NCR1: variants seen among roughly 807,000 people sequenced by gnomAD.
NCR1 encodes the protein natural cytotoxicity triggering receptor 1.
Under a neutral mutation model 32.5 loss-of-function variants are expected in NCR1, and 30 were observed. That is an observed-to-expected ratio of 0.92 (90% CI 0.69 to 1.25). The LOEUF (loss-of-function observed/expected upper bound fraction) is 1.25. NCR1 is among the 50% of genes most tolerant of loss of function. The probability of loss-of-function intolerance (pLI) is 0.00; values close to 1 mark genes in which losing one functional copy is unlikely to be tolerated. For synonymous variants in NCR1, 169 were observed against 143.4 expected (o/e 1.18, Z -1.28); for missense variants, 369 against 380.7 (o/e 0.97, Z 0.26).
At chr19:54,911,822 T>C (rs2067990489) in intron 5 of NCR1, among the ~76,000 whole-genome samples, 1 of 151,836 alleles carries the variant, frequency 6.6e-6, no homozygotes, top group Non-Finnish European at 1.5e-5. Context: ...CAAAACCCCG[T>C]TTCTACTAAA....
chr19:54,914,164 CT>C (rs533441878), downstream of NCR1, among the ~76,000 whole-genome samples: 209 of 124,030 alleles, frequency 1.7e-3, no homozygotes, highest in East Asian at 8.1e-3. Flanking sequence ...TCTTCTCTTC[CT>C]TTTTTTTTTT....
the NCR1 span, among the ~76,000 whole-genome samples, chr19:54,927,076 A>G: frequency 4.1e-5 from 6 of 147,806 alleles, no homozygotes; most frequent in African/African-American, 1.5e-4. Flanking sequence ...GGCAACAGTG[A>G]GACTCCATCC....
chr19:54,934,675 G>GA, the NCR1 span: 1 of 1,608,414 alleles, frequency 6.2e-7, no homozygotes. This position sits in a 1 kb window ranked among gnomAD's most constrained non-coding sequence, Gnocchi z 6.7. Flanking sequence ...AAAAGAGTGG[G>GA]AAAAGTCATT....
At chr19:54,923,663 T>G in the NCR1 span, 126 of 1,507,532 alleles carry the variant, frequency 8.4e-5, 2 homozygotes, top group African/African-American at 1.6e-3. Context: ...CATGTGACCC[T>G]CTGACCTGCA....
chr19:54,935,701 A>G, the NCR1 span, among the ~76,000 whole-genome samples: 1 of 152,036 alleles, frequency 6.6e-6, no homozygotes, highest in Non-Finnish European at 1.5e-5. Context: ...AAAGAAAAAA[A>G]AAAAAAAAAA....
At chr19:54,932,288 C>T in the NCR1 span, among the ~76,000 whole-genome samples, 5 of 151,890 alleles carry the variant, frequency 3.3e-5, no homozygotes, top group East Asian at 9.7e-4. Flanking sequence ...ATTAGCCAGG[C>T]ATGGTGGAGG....
chr19:54,912,834 G>A lies in NCR1; in HGVS notation c.878G>A (p.Trp293Ter), dbSNP rs770374506. Residue 293 changes from tryptophan to a stop codon, truncating the protein, a stop_gained, in exon 7 of 7, where the codon TGG (tryptophan) becomes TAG (stop). Coordinates refer to ENST00000291890, the MANE Select transcript of NCR1 (RefSeq NM_004829.7). LOFTEE classifies it high-confidence loss of function. ...TRERASRAST[W>*]EGRRRLNTQT... ...GAGCGAGCCAGCAGAGCTTCCACTTGGGAAGGCAGGAGAAGGCTGAACACA... is the reference window on the plus strand; with the variant it reads ...GAGCGAGCCAGCAGAGCTTCCACTTAGGAAGGCAGGAGAAGGCTGAACACA... 1.2e-6 allele frequency: 2 copies of A among 1,613,384 alleles called. No homozygotes were observed. The highest frequency in any genetic ancestry group is 2.7e-5 in the African/African-American group (2 of 74,954).
At chr19:54,919,471 G>A (rs139093769), downstream of NCR1, among the ~76,000 whole-genome samples, 18,690 of 129,088 alleles carry the variant, frequency 0.14, 429 homozygotes, top group African/African-American at 0.16. Flanking sequence ...GACAGCTTAC[G>A]CCATTATTTC....
downstream of NCR1, among the ~76,000 whole-genome samples, chr19:54,920,608 C>A (rs1240307102): frequency 1.3e-5 from 2 of 152,204 alleles, no homozygotes; most frequent in Non-Finnish European, 2.9e-5. Context: ...AAGGGGATAA[C>A]TGGAGGCCAG....
chr19:54,906,777 C>T lies in NCR1; in HGVS notation c.325C>T (p.Pro109Ser), dbSNP rs2067650646. Residue 109 changes from proline to serine, a missense_variant, in exon 3 of 7, where the codon CCC becomes TCC. Transcript: ENST00000291890. ...IYRVGELWSE[P>S]SNLLDLVVTE... is the part of the protein sequence containing the mutation. ...TCGGGTTGGGGAGCTCTGGTCAGAGCCCAGCAACTTGCTGGATCTGGTGGT... is the reference window on the plus strand; with the variant it reads ...TCGGGTTGGGGAGCTCTGGTCAGAGTCCAGCAACTTGCTGGATCTGGTGGT... 1.2e-6 allele frequency: 2 copies of T among 1,614,032 alleles called. No homozygotes were observed. Among genetic ancestry groups the T allele is most frequent in the Non-Finnish European group, 1.7e-6 (2 of 1,180,040 alleles).
At chr19:54,902,480 T>C (rs1365743968), upstream of NCR1, among the ~76,000 whole-genome samples, 2 of 151,746 alleles carry the variant, frequency 1.3e-5, no homozygotes, top group East Asian at 1.9e-4. Flanking sequence ...TTTGCATTTT[T>C]TTTTCCCCCA....
At chr19:54,903,370 A>ACACG (rs1569535545), upstream of NCR1, among the ~76,000 whole-genome samples, 1,403 of 120,230 alleles carry the variant, frequency 0.012, 33 homozygotes, top group Middle Eastern at 0.032. Flanking sequence ...ATACATGTAT[A>ACACG]TATACATGTA....
At chr19:54,903,336 GTATATACATATATGCA>G (rs1174192759), upstream of NCR1, among the ~76,000 whole-genome samples, 1 of 114,752 alleles carries the variant, frequency 8.7e-6, no homozygotes, top group Non-Finnish European at 1.8e-5. Flanking sequence ...ATACATGTAT[GTATATACATATATGCA>G]TATATACATA....
At chr19:54,936,391 A>C in the NCR1 span, 1 of 1,614,184 alleles carries the variant, frequency 6.2e-7, no homozygotes, top group Non-Finnish European at 8.5e-7. Flanking sequence ...AAAGCAAGAC[A>C]GAAGTCCCGG....
At chr19:54,903,389 CAT>C (rs1491222486), upstream of NCR1, among the ~76,000 whole-genome samples, 1 of 132,746 alleles carries the variant, frequency 7.5e-6, no homozygotes, top group Non-Finnish European at 1.6e-5. Context: ...TATGTATATA[CAT>C]ATATGTATAT....
At chr19:54,903,125 G>T (rs1215626320), upstream of NCR1, among the ~76,000 whole-genome samples, 1 of 151,270 alleles carries the variant, frequency 6.6e-6, no homozygotes, top group Non-Finnish European at 1.5e-5. Context: ...GTGAGATTCC[G>T]TCTTAAAGAG....
the NCR1 span, among the ~76,000 whole-genome samples, chr19:54,925,143 C>A: frequency 6.6e-6 from 1 of 152,136 alleles, no homozygotes; most frequent in Non-Finnish European, 1.5e-5. Context: ...TGGCCTCAAA[C>A]AATCCTCCCA....
chr19:54,918,924 C>T (rs1015853153), downstream of NCR1, among the ~76,000 whole-genome samples: 8 of 150,100 alleles, frequency 5.3e-5, no homozygotes, highest in Middle Eastern at 3.4e-3. Flanking sequence ...GCGGAGGTTG[C>T]GGTGAGCCAA....
downstream of NCR1, among the ~76,000 whole-genome samples, chr19:54,916,338 T>TTTTTTTTTTTTTTTTTTTTG (rs1556721210): frequency 3.0e-5 from 4 of 132,024 alleles, no homozygotes; most frequent in Non-Finnish European, 3.1e-5. Flanking sequence ...TTTTTTTTTT[T>TTTTTTTTTTTTTTTTTTTTG]GAGACGAAGT....
Sources: allele counts gnomAD v4.1 joint callset (sites outside exome capture counted in the v4.1 genomes callset), GRCh38; gene constraint gnomAD v4.1.1; non-coding constraint Gnocchi (gnomAD v3.1); transcripts MANE v1.5; gene names NCBI Gene and HGNC (gene_info 2026-07-23, HGNC 2026-07-21).